Variants in POR observed in about 807,000 individuals in gnomAD.
POR encodes cytochrome p450 oxidoreductase.
A neutral mutation model predicts 84.0 loss-of-function variants in POR; 56 were observed. The observed-to-expected ratio is 0.67, with a 90% CI of 0.54 to 0.83. The LOEUF is 0.83. POR is among the 40% of genes least tolerant of loss of function. The pLI is 0.00. For missense variants in POR, 938 were observed against 944.3 expected (o/e 0.99, Z 0.09); for synonymous variants, 414 against 400.5 (o/e 1.03, Z -0.40).
chr7:75,971,142 AGTAGAGACGGG>A (rs1190407361), intron 2 of POR: 1 of 151,396 alleles, frequency 6.6e-6, no homozygotes, highest in Non-Finnish European at 1.5e-5. Context: ...TTGTATTTTT[AGTAGAGACGGG>A]GTTTTGCCAT....
chr7:75,980,838 A>G (rs1788976353), intron 5 of POR: 1 of 1,143,364 alleles, frequency 8.7e-7, no homozygotes, highest in African/African-American at 1.6e-5. Context: ...CTGGCAGTGG[A>G]CGGGGCAGGC....
intron 1 of POR, chr7:75,943,786 A>G (rs782689368): frequency 2.1e-6 from 1 of 472,842 alleles, no homozygotes; most frequent in South Asian, 1.5e-5. Flanking sequence ...AAGGAATTGC[A>G]TTCTTAAACC....
intron 1 of POR, chr7:75,947,162 T>C (rs1787209292): frequency 6.6e-6 from 1 of 152,204 alleles, no homozygotes; most frequent in Non-Finnish European, 1.5e-5. Flanking sequence ...AGGCATTTTT[T>C]TTTGGCCTAC....
chr7:75,942,585 G>A (rs782558350), intron 1 of POR, among the ~76,000 whole-genome samples: 81 of 151,588 alleles, frequency 5.3e-4, no homozygotes, highest in Non-Finnish European at 8.5e-4. Flanking sequence ...TTAAAATATG[G>A]GAATTTCCTT....
At chr7:75,924,864 C>T (rs1554549281) in intron 1 of POR, among the ~76,000 whole-genome samples, 2 of 152,112 alleles carry the variant, frequency 1.3e-5, no homozygotes, top group Admixed American at 1.3e-4. Flanking sequence ...CATGGTCATC[C>T]CGGAGACGGA....
intron 1 of POR, among the ~76,000 whole-genome samples, chr7:75,940,479 GA>G (rs1230570573): frequency 1.6e-4 from 24 of 151,196 alleles, no homozygotes; most frequent in Non-Finnish European, 2.7e-4. Context: ...AGAGACTTTT[GA>G]AAAAAAACGT....
At chr7:75,954,762 C>T (rs1787610721) in intron 2 of POR, among the ~76,000 whole-genome samples, 1 of 148,672 alleles carries the variant, frequency 6.7e-6, no homozygotes, top group Non-Finnish European at 1.5e-5. Flanking sequence ...GTCTGGAGTA[C>T]AGCGGTGCGA....
At chr7:75,986,264 A>T in intron 15 of POR, 23 bp downstream of exon 15, 1 of 1,612,612 alleles carries the variant, frequency 6.2e-7, no homozygotes, top group Non-Finnish European at 8.5e-7. Flanking sequence ...GGTCACTGGA[A>T]TAGGGGGCAG....
In POR at chr7:75,986,429, A is replaced by G. The variant is rs1563436835; in HGVS notation, c.1991A>G (p.Tyr664Cys). The G allele has an allele frequency of 1.2e-6, 2 of 1,612,390 alleles. No homozygotes were observed. Among genetic ancestry groups the G allele is most frequent in the Non-Finnish European group, 8.5e-7 (1 of 1,179,844 alleles). The stretch of plus-strand genomic sequence containing the variant: ...ATGGAGCACGCGCAGGCGGTGGACT[A>G]CATCAAGAAACTGATGACCAAGGGC... Residue 664 changes from tyrosine (Y) to cysteine (C), a missense_variant, in exon 16 of 16, where the codon TAC (tyrosine) becomes TGC (cysteine). Tyr to Cys is a radical substitution (Grantham distance 194). Transcript: ENST00000461988.
intron 1 of POR, among the ~76,000 whole-genome samples, chr7:75,928,684 A>G (rs1807270412): frequency 6.6e-6 from 1 of 150,792 alleles, no homozygotes. Context: ...TTCAGCTTGA[A>G]GCCATGTGAT....
intron 1 of POR, among the ~76,000 whole-genome samples, chr7:75,943,464 TCCATGAGAGCAGATAC>T (rs1430438686): frequency 2.0e-5 from 3 of 152,136 alleles, no homozygotes; most frequent in African/African-American, 7.2e-5. Flanking sequence ...TTAGGTTAAG[TCCATGAGAGCAGATAC>T]TGTTGACATT....
chr7:75,983,409 C>T (rs112809933), intron 8 of POR, 111 bp from the exon 9 acceptor site: 687 of 742,610 alleles, frequency 9.3e-4, no homozygotes, highest in Non-Finnish European at 1.2e-3. Flanking sequence ...GAGATTTCCT[C>T]ATGGAGATCT....
chr7:75,953,220 G>A (rs1430098961), intron 1 of POR, among the ~76,000 whole-genome samples: 1 of 151,470 alleles, frequency 6.6e-6, no homozygotes, highest in African/African-American at 2.4e-5. Flanking sequence ...TCGGCAGGCT[G>A]AGGCAGGAGA....
chr7:75,984,281 T>C (rs1413525202), intron 10 of POR, among the ~76,000 whole-genome samples: 1 of 152,124 alleles, frequency 6.6e-6, no homozygotes, highest in Non-Finnish European at 1.5e-5. Context: ...CGAGTGGCAG[T>C]AGCCATTACG....
At chr7:75,979,973 G>C (rs183669033) in intron 4 of POR, among the ~76,000 whole-genome samples, 2 of 152,342 alleles carry the variant, frequency 1.3e-5, no homozygotes, top group African/African-American at 4.8e-5. Flanking sequence ...AGTTTAGTTA[G>C]ATATCAGTGT....
Position 75,956,795 on chromosome 7 carries a change from G to A in POR, c.188+2615G>A, listed in dbSNP as rs527858090. ...GGCTGGAGTGCAGTGGTGCAATCTCGGCTCACTGCAACCTCCGCCTCCCGG... is the reference window on the plus strand; with the variant it reads ...GGCTGGAGTGCAGTGGTGCAATCTCAGCTCACTGCAACCTCCGCCTCCCGG... On this transcript the variant is annotated intron_variant, in intron 2 of 15. Transcript: ENST00000461988. Among the ~76,000 whole-genome samples, 7 of 151,624 alleles carry A rather than the reference G, an allele frequency of 4.6e-5. No individual in the cohort carries two copies. In the South Asian group the frequency reaches 8.4e-4, roughly 18 times the overall value.
chr7:75,926,314 A>C (rs1807124343), intron 1 of POR, among the ~76,000 whole-genome samples: 1 of 151,846 alleles, frequency 6.6e-6, no homozygotes, highest in Admixed American at 6.6e-5. Flanking sequence ...TTTTCCTGTG[A>C]TATTTGAAAA....
At chr7:75,968,485 C>A (rs1554555687) in intron 2 of POR, among the ~76,000 whole-genome samples, 1 of 152,248 alleles carries the variant, frequency 6.6e-6, no homozygotes. Context: ...GGTCTGAGGT[C>A]CTCCGATGGA....
chr7:75,947,024 G>T (rs1033170664), intron 1 of POR: 3 of 152,216 alleles, frequency 2.0e-5, no homozygotes, highest in African/African-American at 7.2e-5. Flanking sequence ...AACTCCATGC[G>T]AAGTGCTAGC....
Sources: gnomAD v4.1 joint callset for allele counts (sites outside exome capture counted in the v4.1 genomes callset) on GRCh38, gnomAD v4.1.1 for gene constraint, MANE v1.5 for transcripts, NCBI Gene and HGNC (gene_info 2026-07-23, HGNC 2026-07-21) for gene names.